FGD6: variants seen among roughly 807,000 people sequenced by gnomAD.
FGD6 encodes FYVE, RhoGEF and PH domain-containing protein 6.
A neutral mutation model predicts 149.4 loss-of-function variants in FGD6; 90 were observed. That is an observed-to-expected ratio of 0.60 (90% CI 0.51 to 0.72). The LOEUF is 0.72. Among genes scored for constraint, FGD6 ranks in the 30% least tolerant of loss-of-function variants. FGD6 has a pLI of 0.00. For synonymous variants in FGD6, 527 were observed against 584.0 expected (o/e 0.90, Z 1.41); for missense variants, 1,437 against 1,684.8 (o/e 0.85, Z 2.57).
intron 5 of FGD6, among the ~76,000 whole-genome samples, chr12:95,141,992 C>T (rs1458576068): frequency 6.6e-6 from 1 of 152,070 alleles, no homozygotes; most frequent in African/African-American, 2.4e-5. Context: ...ACAACTGGAG[C>T]ATCCTAGGTG....
chr12:95,171,807 G>A (rs1880995825), intron 3 of FGD6, among the ~76,000 whole-genome samples: 1 of 152,014 alleles, frequency 6.6e-6, no homozygotes. Context: ...GAACCACCGT[G>A]CCCAGCCCTC....
chr12:95,176,661 A>T (rs1881141870), intron 2 of FGD6, among the ~76,000 whole-genome samples: 1 of 152,230 alleles, frequency 6.6e-6, no homozygotes, highest in South Asian at 2.1e-4. Context: ...AGTGAAGACT[A>T]CATGATGCCA....
intron 2 of FGD6, among the ~76,000 whole-genome samples, chr12:95,189,925 T>A (rs932388010): frequency 5.9e-5 from 9 of 152,346 alleles, no homozygotes; most frequent in South Asian, 2.1e-4. Context: ...TCTTTAATAT[T>A]CTTCGCTTGT....
chr12:95,202,054 AAT>A (rs1308026411), intron 2 of FGD6, among the ~76,000 whole-genome samples: 1 of 151,584 alleles, frequency 6.6e-6, no homozygotes, highest in Non-Finnish European at 1.5e-5. Context: ...TATCTCTAAA[AAT>A]ATGTCTCTAA....
intron 15 of FGD6, among the ~76,000 whole-genome samples, chr12:95,094,167 A>G (rs896091440): frequency 5.9e-5 from 9 of 152,040 alleles, no homozygotes; most frequent in African/African-American, 2.2e-4. Context: ...CTCAAAAAAA[A>G]AAAAGAAAGA....
chr12:95,216,278 T>C (rs2056776469), intron 1 of FGD6, among the ~76,000 whole-genome samples: 1 of 152,234 alleles, frequency 6.6e-6, no homozygotes, highest in Non-Finnish European at 1.5e-5. Context: ...GAAAATTTAA[T>C]CTGATACTTA....
intron 2 of FGD6, among the ~76,000 whole-genome samples, chr12:95,186,225 C>A: frequency 1.4e-5 from 1 of 71,184 alleles, no homozygotes; most frequent in African/African-American, 5.4e-5. Context: ...TTATATTCTT[C>A]TTCTTTTTTT....
At chr12:95,165,829 T>G (rs980315918) in intron 3 of FGD6, among the ~76,000 whole-genome samples, 1 of 151,694 alleles carries the variant, frequency 6.6e-6, no homozygotes, top group Admixed American at 6.6e-5. Flanking sequence ...TTTTTTTTTG[T>G]AGGCATGGGG....
chr12:95,155,292 C>G (rs376329949), intron 3 of FGD6, among the ~76,000 whole-genome samples: 1 of 152,088 alleles, frequency 6.6e-6, no homozygotes, highest in Non-Finnish European at 1.5e-5. Flanking sequence ...TTTGGCAGGC[C>G]GAGGCAGGTG....
chr12:95,167,904 A>G (rs1185378144), intron 3 of FGD6, among the ~76,000 whole-genome samples: 3 of 152,008 alleles, frequency 2.0e-5, no homozygotes, highest in Admixed American at 1.3e-4. Context: ...GAGTTGTTAC[A>G]TTTAGGTCTA....
chr12:95,165,279 CAT>C (rs1880772224), intron 3 of FGD6, among the ~76,000 whole-genome samples: 1 of 151,662 alleles, frequency 6.6e-6, no homozygotes, highest in Non-Finnish European at 1.5e-5. Context: ...TCCTTTTCTT[CAT>C]GCAACATGAA....
intron 14 of FGD6, among the ~76,000 whole-genome samples, chr12:95,102,056 A>G (rs1388621711): frequency 1.0e-5 from 1 of 97,102 alleles, no homozygotes; most frequent in East Asian, 2.9e-4. Flanking sequence ...TCCTGCCTGT[A>G]GCACTTTGGG....
rs138194913 is a variant in FGD6, at chr12:95,215,662, A to T, written c.16+1563T>A. On this transcript the variant is annotated intron_variant, in intron 1 of 20. Transcript: ENST00000343958. ...ATTTCTGTGGATTTCTTTAATTGTAAAGTTGATAAAATACAAAAATAGCTT... is the reference window on the plus strand; with the variant it reads ...ATTTCTGTGGATTTCTTTAATTGTATAGTTGATAAAATACAAAAATAGCTT... 2.3e-3 allele frequency among the ~76,000 whole-genome samples: 357 copies of T among 152,366 alleles called. 2 individuals are homozygous for T. The highest frequency in any genetic ancestry group is 8.1e-3 in the African/African-American group (338 of 41,586).
intron 8 of FGD6, among the ~76,000 whole-genome samples, chr12:95,128,337 A>G (rs1462147075): frequency 2.0e-5 from 3 of 152,188 alleles, no homozygotes; most frequent in African/African-American, 7.2e-5. Flanking sequence ...CTTGGGCTCA[A>G]GTGATCATCC....
chr12:95,108,710 A>G, intron 9 of FGD6, 149 bp from the exon 10 acceptor site: 1 of 891,686 alleles, frequency 1.1e-6, no homozygotes, highest in African/African-American at 1.7e-5. Context: ...CAGAAATATA[A>G]GGTTCAATGA....
In FGD6 at chr12:95,078,333, A is replaced by T. The variant is rs942249019; in HGVS notation, c.*3187T>A. 5 of 152,250 alleles carry T rather than the reference A, an allele frequency of 3.3e-5. No homozygotes were observed. Among genetic ancestry groups the T allele is most frequent in the African/African-American group, 9.6e-5 (4 of 41,472 alleles). 9.4% of individuals were successfully genotyped at this position (152,250 alleles called of 1,614,324 possible). ...CTAAAGTGGATTTCAAACTTTTCAA[A>T]AGCTGAGCACAATGGAAGCACACTC... On this transcript the variant is annotated 3_prime_UTR_variant, in exon 21 of 21. Coordinates refer to ENST00000343958, the MANE Select transcript of FGD6 (RefSeq NM_018351.4).
Position 95,114,334 on chromosome 12 carries a change from G to A in FGD6, c.3083-633C>T, listed in dbSNP as rs114332187. ...GAAGTCAGAGATGCAGACTGGACTC[G>A]GTGGCTGATGCCTGTAATCCTAGCA... On this transcript the variant is annotated intron_variant, in intron 8 of 20. Coordinates refer to ENST00000343958, the MANE Select transcript of FGD6 (RefSeq NM_018351.4). Among the ~76,000 whole-genome samples the A allele has an allele frequency of 3.0e-3, 453 of 151,888 alleles. 6 individuals are homozygous for A. Among genetic ancestry groups the A allele is most frequent in the African/African-American group, 0.01 (432 of 41,410 alleles).
chr12:95,085,319 A>G (rs1877825065), intron 19 of FGD6, among the ~76,000 whole-genome samples: 1 of 151,210 alleles, frequency 6.6e-6, no homozygotes, highest in Non-Finnish European at 1.5e-5. Context: ...GGTTCAAGCA[A>G]TTCTCCTGCT....
chr12:95,122,462 A>G (rs1879218705), intron 8 of FGD6, among the ~76,000 whole-genome samples: 3 of 151,782 alleles, frequency 2.0e-5, no homozygotes, highest in African/African-American at 4.8e-5. Context: ...CCTAGCCAAC[A>G]TGGTGAAACC....
Sources: allele counts gnomAD v4.1 joint callset (sites outside exome capture counted in the v4.1 genomes callset), GRCh38; gene constraint gnomAD v4.1.1; transcripts MANE v1.5; gene names NCBI Gene and HGNC (gene_info 2026-07-23, HGNC 2026-07-21).